The following TMPRSS11F variants were observed in gnomAD, a reference collection of about 807,000 sequenced individuals.
TMPRSS11F encodes transmembrane protease serine 11F.
TMPRSS11F carries 47 observed loss-of-function variants against 60.2 expected under a neutral mutation model. That is an observed-to-expected ratio of 0.78 (90% CI 0.62 to 1.00). The LOEUF (loss-of-function observed/expected upper bound fraction) is 1.00, where lower values mean the gene tolerates loss of function less well. Among genes scored for constraint, TMPRSS11F ranks in the 50% least tolerant of loss-of-function variants. The probability of loss-of-function intolerance (pLI) is 0.00; values close to 1 mark genes in which losing one functional copy is unlikely to be tolerated. For synonymous variants in TMPRSS11F, 166 were observed against 167.3 expected (o/e 0.99, Z 0.06); for missense variants, 519 against 522.9 (o/e 0.99, Z 0.07).
chr4:68,109,918 G>C (rs1489300973), intron 1 of TMPRSS11F, among the ~76,000 whole-genome samples: 6 of 152,122 alleles, frequency 3.9e-5, no homozygotes, highest in African/African-American at 1.4e-4. Flanking sequence ...TGGTACTAAA[G>C]AAATGTAAAC....
intron 1 of TMPRSS11F, among the ~76,000 whole-genome samples, chr4:68,127,205 C>A (rs1724728325): frequency 6.6e-6 from 1 of 152,146 alleles, no homozygotes; most frequent in Non-Finnish European, 1.5e-5. Context: ...ATGACTCTTG[C>A]AAGGGCTATG....
chr4:68,117,637 A>C (rs900213966), intron 1 of TMPRSS11F, among the ~76,000 whole-genome samples: 1 of 152,166 alleles, frequency 6.6e-6, no homozygotes, highest in Non-Finnish European at 1.5e-5. Context: ...ATCTGTTAGG[A>C]TGGTTGTTAG....
chr4:68,102,362 T>C (rs981198937), intron 1 of TMPRSS11F, among the ~76,000 whole-genome samples: 1 of 152,102 alleles, frequency 6.6e-6, no homozygotes, highest in Non-Finnish European at 1.5e-5. Flanking sequence ...AGTCGTATGG[T>C]AGTTATATTT....
intron 2 of TMPRSS11F, among the ~76,000 whole-genome samples, chr4:68,091,624 T>C (rs1011446722): frequency 6.6e-6 from 1 of 152,098 alleles, no homozygotes; most frequent in African/African-American, 2.4e-5. Context: ...TCCTATATTT[T>C]CTATCTTTGT....
intron 7 of TMPRSS11F, 110 bp downstream of exon 7, chr4:68,068,508 C>T (rs1197045786): frequency 8.0e-6 from 7 of 878,370 alleles, no homozygotes; most frequent in Non-Finnish European, 1.1e-5. Flanking sequence ...CTAGGTCTAC[C>T]CTGAATGGAG....
intron 1 of TMPRSS11F, among the ~76,000 whole-genome samples, chr4:68,124,676 C>T (rs769517621): frequency 1.3e-5 from 2 of 152,162 alleles, no homozygotes; most frequent in Non-Finnish European, 2.9e-5. Context: ...AAAGCAAATA[C>T]AACAATCTGT....
At chr4:68,116,464 T>C (rs895668757) in intron 1 of TMPRSS11F, among the ~76,000 whole-genome samples, 1 of 152,010 alleles carries the variant, frequency 6.6e-6, no homozygotes, top group Non-Finnish European at 1.5e-5. Context: ...AAAATCTCAA[T>C]GGCATTTTTC....
In TMPRSS11F at chr4:68,073,936, A is replaced by G. The variant is rs1378664176; in HGVS notation, c.350+6T>C. On this transcript the variant is annotated splice_donor_region_variant and intron_variant, in intron 4 of 9. Coordinates refer to ENST00000356291, the MANE Select transcript of TMPRSS11F (RefSeq NM_207407.2). ...TAACTTGAAATTATAAACCAAATTT[A>G]CATACCTTAATTTGATAACATGAGA... 1 of 1,556,116 alleles carries G rather than the reference A, an allele frequency of 6.4e-7. No individual in the cohort carries two copies. Among genetic ancestry groups the G allele is most frequent in the Non-Finnish European group, 8.7e-7 (1 of 1,148,240 alleles).
chr4:68,071,739 A>C (rs1723468120), intron 5 of TMPRSS11F, among the ~76,000 whole-genome samples: 1 of 152,202 alleles, frequency 6.6e-6, no homozygotes, highest in Admixed American at 6.5e-5. Context: ...ACAAAACAAG[A>C]ACTTTCCTAT....
At position 68,084,737 on chromosome 4, in the gene TMPRSS11F, CT is replaced by C. The variant is rs901734657; in HGVS notation, c.282+5785del. 6.8e-4 allele frequency among the ~76,000 whole-genome samples: 103 copies of C among 151,286 alleles called. 1 individual carries two copies. Among genetic ancestry groups the C allele is most frequent in the South Asian group, 4.8e-3 (23 of 4,764 alleles). The stretch of plus-strand genomic sequence containing the variant: ...ATTTATTTATTTATTTTTTTATGTT[CT>C]TTTTTTTTATTATACTTTAAGTTTT... On this transcript the variant is annotated intron_variant, in intron 3 of 9. Coordinates refer to ENST00000356291, the MANE Select transcript of TMPRSS11F (RefSeq NM_207407.2).
At chr4:68,113,545 A>C (rs1050470722) in intron 1 of TMPRSS11F, among the ~76,000 whole-genome samples, 1 of 152,208 alleles carries the variant, frequency 6.6e-6, no homozygotes, top group African/African-American at 2.4e-5. Flanking sequence ...GAAAGATGAT[A>C]TGTCATTATA....
At chr4:68,075,889 A>T (rs945360651) in intron 3 of TMPRSS11F, among the ~76,000 whole-genome samples, 5 of 152,076 alleles carry the variant, frequency 3.3e-5, no homozygotes, top group Middle Eastern at 3.4e-3. Context: ...GCTACTCGGG[A>T]GGCTGAAGCA....
chr4:68,072,469 A>T lies in TMPRSS11F; in HGVS notation c.368T>A (p.Val123Glu). 1 of 1,561,026 alleles carries T rather than the reference A, an allele frequency of 6.4e-7. No homozygotes were observed. Among genetic ancestry groups the T allele is most frequent in the Non-Finnish European group, 8.7e-7 (1 of 1,150,632 alleles). ...VIKLSPDEQG[V>E]DILIVLIFRY... is the part of the protein sequence containing the mutation. ...AAATATGAGCACTATAAGAATATCC[A>T]CACCTTGTTCATCTGGACTGAAGAA... Residue 123 changes from valine to glutamate, a missense_variant, in exon 5 of 10, where the codon GTG becomes GAG. By Grantham distance (121) the Val-to-Glu change is moderately radical. Transcript: ENST00000356291.
chr4:68,091,769 C>CTA (rs1413630341), intron 2 of TMPRSS11F, among the ~76,000 whole-genome samples: 1,255 of 118,128 alleles, frequency 0.011, 19 homozygotes, highest in Middle Eastern at 0.044. Context: ...CTCTCTCTCT[C>CTA]TCTCTCTCTC....
At chr4:68,075,290 C>T (rs1234601886) in intron 3 of TMPRSS11F, among the ~76,000 whole-genome samples, 3 of 152,202 alleles carry the variant, frequency 2.0e-5, no homozygotes, top group Non-Finnish European at 4.4e-5. Flanking sequence ...TTGCAGCAGC[C>T]TCCTCATGGC....
intron 1 of TMPRSS11F, among the ~76,000 whole-genome samples, chr4:68,120,788 T>A (rs1280071270): frequency 6.6e-6 from 1 of 152,020 alleles, no homozygotes; most frequent in African/African-American, 2.4e-5. Context: ...ACCACCATGA[T>A]CAGTTAGCAG....
At chr4:68,083,177 T>C (rs764360482) in intron 3 of TMPRSS11F, among the ~76,000 whole-genome samples, 2 of 152,180 alleles carry the variant, frequency 1.3e-5, no homozygotes, top group Non-Finnish European at 2.9e-5. Context: ...CCCCACAACC[T>C]GCTCTGACTC....
At chr4:68,110,975 C>A (rs561306201) in intron 1 of TMPRSS11F, among the ~76,000 whole-genome samples, 1 of 152,138 alleles carries the variant, frequency 6.6e-6, no homozygotes, top group Non-Finnish European at 1.5e-5. Flanking sequence ...AACCATAGTA[C>A]TAAGTCCTTT....
chr4:68,060,611 TC>T (rs1723149279), intron 8 of TMPRSS11F, among the ~76,000 whole-genome samples: 1 of 150,050 alleles, frequency 6.7e-6, no homozygotes, highest in African/African-American at 2.4e-5. Flanking sequence ...TTTTTTTTTT[TC>T]AGGTTCTAAT....
Sources: gnomAD v4.1 joint callset for allele counts (sites outside exome capture counted in the v4.1 genomes callset) on GRCh38, gnomAD v4.1.1 for gene constraint, MANE v1.5 for transcripts, NCBI Gene and HGNC (gene_info 2026-07-23, HGNC 2026-07-21) for gene names.